ARNT2: variants seen among roughly 807,000 people sequenced by gnomAD.
The protein encoded by ARNT2 is ARNT protein 2.
In ARNT2, 36 loss-of-function variants were observed where a neutral mutation model predicts 91.7. The ratio of observed to expected loss-of-function variants is 0.39; its 90% CI spans 0.30 to 0.52. ARNT2 has a LOEUF of 0.52. Ranked by LOEUF, ARNT2 falls within the 20% of genes least tolerant of loss-of-function variation. The probability of loss-of-function intolerance (pLI) is 0.72; values close to 1 mark genes in which losing one functional copy is unlikely to be tolerated. For missense variants in ARNT2, 775 were observed against 939.3 expected, an observed-to-expected ratio of 0.83 and a Z score of 2.29; for synonymous variants, 365 against 347.1, an observed-to-expected ratio of 1.05 and a Z score of -0.57.
intron 1 of ARNT2, among the ~76,000 whole-genome samples, chr15:80,416,306 G>GTC (rs943652525): frequency 1.9e-4 from 28 of 147,476 alleles, no homozygotes; most frequent in East Asian, 1.4e-3. Context: ...TTTTTTCTCT[G>GTC]TCTCTCTCTC....
chr15:80,406,191 AG>A (rs905157420), intron 1 of ARNT2, among the ~76,000 whole-genome samples: 2 of 152,194 alleles, frequency 1.3e-5, no homozygotes, highest in African/African-American at 4.8e-5. Context: ...GGAGAGACAA[AG>A]GGGAGGTGTC....
chr15:80,552,164 T>C (rs1296779749), intron 9 of ARNT2, among the ~76,000 whole-genome samples: 2 of 152,330 alleles, frequency 1.3e-5, no homozygotes, highest in South Asian at 2.1e-4. Context: ...ATTTCATCCA[T>C]GTATGGGTAT....
intron 9 of ARNT2, among the ~76,000 whole-genome samples, chr15:80,551,571 G>A (rs919675174): frequency 1.3e-5 from 2 of 152,150 alleles, no homozygotes; most frequent in East Asian, 3.9e-4. Flanking sequence ...CCCCTTGACT[G>A]TTTCCCCAGA....
intron 1 of ARNT2, among the ~76,000 whole-genome samples, chr15:80,428,006 C>T (rs1301254358): frequency 1.3e-5 from 2 of 152,210 alleles, no homozygotes; most frequent in East Asian, 1.9e-4. Context: ...CTCATCAGCT[C>T]GGCCTGATAA....
chr15:80,437,680 A>G (rs1339810768), intron 1 of ARNT2, among the ~76,000 whole-genome samples: 1 of 152,048 alleles, frequency 6.6e-6, no homozygotes, highest in Non-Finnish European at 1.5e-5. Flanking sequence ...ACACCATTTC[A>G]CAACTGCCGG....
Position 80,470,424 on chromosome 15 carries a change from C to T in ARNT2, c.401C>T (p.Thr134Ile). ...TDGAYKPSFL[T>I]EQELKHLILE... is the part of the protein sequence containing the mutation. ...GGCGCGTACAAGCCTTCCTTCCTCACAGAGCAGGTACCCTGGTCATCACAT... is the reference window on the plus strand; with the variant it reads ...GGCGCGTACAAGCCTTCCTTCCTCATAGAGCAGGTACCCTGGTCATCACAT... The change falls in exon 4 of 19, where the codon ACA becomes ATA. Residue 134 changes from threonine (T) to isoleucine (I), a missense_variant. Thr to Ile is a moderately conservative substitution (Grantham distance 89). Around this residue, in one of 5 missense-constraint regions of ARNT2, gnomAD observed 83 missense variants for 149.4 expected, o/e 0.56. Coordinates refer to ENST00000303329, the MANE Select transcript of ARNT2 (RefSeq NM_014862.4). The T allele has an allele frequency of 1.2e-6, 2 of 1,614,150 alleles. No individual in the cohort carries two copies. The highest frequency in any genetic ancestry group is 1.7e-6 in the Non-Finnish European group (2 of 1,180,016).
intron 5 of ARNT2, among the ~76,000 whole-genome samples, chr15:80,486,842 G>T (rs139641486): frequency 1.3e-4 from 20 of 152,166 alleles, no homozygotes; most frequent in Non-Finnish European, 1.8e-4. Flanking sequence ...GGGTGGTGTG[G>T]GATTTGATTT....
At chr15:80,408,615 C>T (rs1041934535) in intron 1 of ARNT2, among the ~76,000 whole-genome samples, 8 of 152,278 alleles carry the variant, frequency 5.3e-5, no homozygotes, top group Non-Finnish European at 1.2e-4. Context: ...GAGACGTGTG[C>T]GCTATGCTTG....
chr15:80,454,746 T>G (rs1896457062), intron 2 of ARNT2, among the ~76,000 whole-genome samples: 1 of 152,248 alleles, frequency 6.6e-6, no homozygotes, highest in African/African-American at 2.4e-5. Flanking sequence ...CATAAGTGAC[T>G]TCTGTTTAGA....
intron 17 of ARNT2, among the ~76,000 whole-genome samples, chr15:80,584,590 G>A (rs537979239): frequency 6.6e-6 from 1 of 152,172 alleles, no homozygotes; most frequent in Non-Finnish European, 1.5e-5. Context: ...CCCCATTAAT[G>A]GTCAGTTTCA....
At chr15:80,474,733 G>C (rs942318768) in intron 4 of ARNT2, among the ~76,000 whole-genome samples, 16 of 152,126 alleles carry the variant, frequency 1.1e-4, no homozygotes, top group Non-Finnish European at 8.8e-5. Context: ...ATCACTCATT[G>C]CTCTCCCATC....
chr15:80,566,448 G>A (rs1898485012), intron 12 of ARNT2, among the ~76,000 whole-genome samples: 1 of 152,128 alleles, frequency 6.6e-6, no homozygotes, highest in African/African-American at 2.4e-5. Flanking sequence ...GCACGTCCCT[G>A]GACTCCCGTG....
At chr15:80,559,557 A>G (rs1347218108) in intron 11 of ARNT2, among the ~76,000 whole-genome samples, 1 of 152,210 alleles carries the variant, frequency 6.6e-6, no homozygotes, top group Non-Finnish European at 1.5e-5. Context: ...CTGGATTTAA[A>G]CAAAAGCACT....
At chr15:80,587,423 G>A (rs553800635) in intron 17 of ARNT2, among the ~76,000 whole-genome samples, 5 of 152,058 alleles carry the variant, frequency 3.3e-5, no homozygotes, top group East Asian at 3.9e-4. Context: ...GTGGGGTTGC[G>A]CAAAATCACC....
At chr15:80,521,192 G>T (rs1325333222) in intron 8 of ARNT2, among the ~76,000 whole-genome samples, 1 of 152,076 alleles carries the variant, frequency 6.6e-6, no homozygotes, top group Non-Finnish European at 1.5e-5. Flanking sequence ...GTAACTCAAA[G>T]AACAGATTTT....
chr15:80,531,197 C>G (rs1157823235), intron 8 of ARNT2, among the ~76,000 whole-genome samples: 1 of 152,232 alleles, frequency 6.6e-6, no homozygotes. Flanking sequence ...ACAGCCTCCA[C>G]CCAGTGTTGT....
intron 5 of ARNT2, among the ~76,000 whole-genome samples, chr15:80,497,628 A>C (rs1897138922): frequency 6.6e-6 from 1 of 152,226 alleles, no homozygotes; most frequent in Non-Finnish European, 1.5e-5. Context: ...GAGTTGCTAC[A>C]TGGCCATGGA....
intron 5 of ARNT2, among the ~76,000 whole-genome samples, chr15:80,481,407 A>T (rs1008595035): frequency 6.6e-6 from 1 of 152,092 alleles, no homozygotes; most frequent in Admixed American, 6.6e-5. Context: ...TGTTGCATTT[A>T]TTCTTCTCAT....
At chr15:80,420,248 A>G (rs946767392) in intron 1 of ARNT2, among the ~76,000 whole-genome samples, 3 of 152,000 alleles carry the variant, frequency 2.0e-5, no homozygotes, top group Non-Finnish European at 4.4e-5. Context: ...TGACTTTATG[A>G]TGGTTACAAA....
Sources: gnomAD v4.1 joint callset for allele counts (sites outside exome capture counted in the v4.1 genomes callset) on GRCh38, gnomAD v4.1.1 for gene constraint, gnomAD v4.1.1 regional missense constraint, MANE v1.5 for transcripts, NCBI Gene and HGNC (gene_info 2026-07-23, HGNC 2026-07-21) for gene names.